OTUD7A: variants seen among roughly 807,000 people sequenced by gnomAD.
OTUD7A encodes OTU domain-containing protein 7A.
OTUD7A carries 12 observed loss-of-function variants against 65.7 expected under a neutral mutation model. The ratio of observed to expected loss-of-function variants is 0.18; its 90% CI spans 0.12 to 0.30. The LOEUF (loss-of-function observed/expected upper bound fraction) is 0.30. Among genes scored for constraint, OTUD7A ranks in the 10% least tolerant of loss-of-function variants. The pLI is 1.00. For missense variants in OTUD7A, 1,148 were observed against 1,304.8 expected (o/e 0.88, Z 1.85); for synonymous variants, 641 against 586.3 (o/e 1.09, Z -1.35).
intron 3 of OTUD7A, among the ~76,000 whole-genome samples, chr15:31,609,064 G>A (rs1387281148): frequency 6.6e-6 from 1 of 152,222 alleles, no homozygotes; most frequent in Non-Finnish European, 1.5e-5. Context: ...AAATACAGGG[G>A]TAGAGGAGGC....
intron 1 of OTUD7A, among the ~76,000 whole-genome samples, chr15:31,717,139 G>C (rs1893610326): frequency 6.6e-6 from 1 of 152,056 alleles, no homozygotes; most frequent in African/African-American, 2.4e-5. Flanking sequence ...GTAACAAAAT[G>C]GTTGTTTTCT....
intron 1 of OTUD7A, among the ~76,000 whole-genome samples, chr15:31,835,612 A>G (rs1436266496): frequency 6.6e-6 from 1 of 152,160 alleles, no homozygotes; most frequent in Non-Finnish European, 1.5e-5. Flanking sequence ...AAACTGCCCT[A>G]TTGTTTGGAC....
intron 1 of OTUD7A, among the ~76,000 whole-genome samples, chr15:31,792,086 C>A (rs1232368299): frequency 2.6e-5 from 4 of 152,166 alleles, no homozygotes; most frequent in Admixed American, 2.6e-4. Flanking sequence ...GTTTCTTAAG[C>A]CAAAAATCAA....
intron 1 of OTUD7A, among the ~76,000 whole-genome samples, chr15:31,798,668 A>G (rs1246837941): frequency 6.6e-6 from 1 of 152,178 alleles, no homozygotes; most frequent in Non-Finnish European, 1.5e-5. Flanking sequence ...TTAAGTGCCA[A>G]AAGTAAACAA....
chr15:31,804,471 C>G (rs890872297), intron 1 of OTUD7A, among the ~76,000 whole-genome samples: 7 of 152,208 alleles, frequency 4.6e-5, no homozygotes, highest in African/African-American at 1.4e-4. Flanking sequence ...TCCCGAGGGA[C>G]TAAGCCCCCT....
At chr15:31,619,485 A>C (rs1483484345) in intron 3 of OTUD7A, among the ~76,000 whole-genome samples, 3 of 152,108 alleles carry the variant, frequency 2.0e-5, no homozygotes, top group Non-Finnish European at 2.9e-5. Flanking sequence ...GAGGTCCTTC[A>C]CATCCCTTGT....
At chr15:31,782,502 C>T (rs1895566667) in intron 1 of OTUD7A, among the ~76,000 whole-genome samples, 1 of 152,122 alleles carries the variant, frequency 6.6e-6, no homozygotes, top group Non-Finnish European at 1.5e-5. Flanking sequence ...CTAGGATTCA[C>T]AGGAACCACA....
At chr15:31,794,698 T>A (rs1895906149) in intron 1 of OTUD7A, among the ~76,000 whole-genome samples, 1 of 151,448 alleles carries the variant, frequency 6.6e-6, no homozygotes, top group African/African-American at 2.4e-5. Context: ...GAGAATCGCT[T>A]CATCCACCTC....
chr15:31,815,580 T>C (rs1218741016), intron 1 of OTUD7A, among the ~76,000 whole-genome samples: 1 of 152,246 alleles, frequency 6.6e-6, no homozygotes, highest in Non-Finnish European at 1.5e-5. Context: ...CCAAAGCCCG[T>C]GAGGGGCTGG....
chr15:31,494,116 A>G (rs74010664), intron 10 of OTUD7A, among the ~76,000 whole-genome samples: 1 of 152,226 alleles, frequency 6.6e-6, no homozygotes, highest in African/African-American at 2.4e-5. Context: ...TGTAGATAAG[A>G]TATTTGGATT....
In OTUD7A at chr15:31,565,784, T is replaced by C. The variant is rs535366039; in HGVS notation, c.331+4234A>G. Among the ~76,000 whole-genome samples, 17 of 152,268 alleles carry C rather than the reference T, an allele frequency of 1.1e-4. No individual in the cohort carries two copies. The South Asian group carries it at 1.7e-3, about 15-fold the overall frequency. On this transcript the variant is annotated intron_variant, in intron 4 of 12. Transcript: ENST00000307050. Reference sequence around the variant, plus strand: ...GCTGGCATTTAGTTCAGTGGGAAAATGTACTTGAATAACTCTCTCTCAATC... The same window carrying C: ...GCTGGCATTTAGTTCAGTGGGAAAACGTACTTGAATAACTCTCTCTCAATC...
At chr15:31,753,316 C>A (rs1365619357) in intron 1 of OTUD7A, among the ~76,000 whole-genome samples, 1 of 151,932 alleles carries the variant, frequency 6.6e-6, no homozygotes, top group Non-Finnish European at 1.5e-5. Context: ...ATTTATATTT[C>A]CATAGGTTAT....
Position 31,518,906 on chromosome 15 carries a change from A to G in OTUD7A, c.893+7443T>C, listed in dbSNP as rs936751532. 3.3e-5 allele frequency among the ~76,000 whole-genome samples: 5 copies of G among 152,190 alleles called. No individual in the cohort carries two copies. In the East Asian group the frequency reaches 9.6e-4, roughly 29 times the overall value. Reference sequence around the variant, plus strand: ...AAAGGCACAGTACAGGCTAGCAGGGACTCTGCTAAGAGCTATGGCCTGGGA... The same window carrying G: ...AAAGGCACAGTACAGGCTAGCAGGGGCTCTGCTAAGAGCTATGGCCTGGGA... On this transcript the variant is annotated intron_variant, in intron 8 of 12. Coordinates refer to ENST00000307050, the MANE Select transcript of OTUD7A (RefSeq NM_001382637.1).
At chr15:31,709,112 G>A (rs536955596) in intron 1 of OTUD7A, among the ~76,000 whole-genome samples, 2 of 151,518 alleles carry the variant, frequency 1.3e-5, no homozygotes, top group Non-Finnish European at 2.9e-5. Context: ...CTCCCAGGTC[G>A]TGCCCAGGAA....
intron 3 of OTUD7A, among the ~76,000 whole-genome samples, chr15:31,651,572 AACACACACAC>A (rs60554390): frequency 0.015 from 2,162 of 140,814 alleles, 32 homozygotes; most frequent in African/African-American, 0.025. Context: ...AATCCCAAGG[AACACACACAC>A]ACACACACAC....
intron 5 of OTUD7A, among the ~76,000 whole-genome samples, chr15:31,548,068 CAT>C (rs1358136163): frequency 1.3e-4 from 10 of 74,566 alleles, no homozygotes; most frequent in Non-Finnish European, 3.4e-4. Flanking sequence ...CTGTACGTAC[CAT>C]ATACTCCTAA....
chr15:31,599,712 C>G (rs984223971), intron 3 of OTUD7A, among the ~76,000 whole-genome samples: 9 of 152,124 alleles, frequency 5.9e-5, no homozygotes, highest in Non-Finnish European at 1.3e-4. Flanking sequence ...GGAACATATT[C>G]TAACCCAATG....
intron 3 of OTUD7A, among the ~76,000 whole-genome samples, chr15:31,646,354 C>G (rs1891663500): frequency 6.6e-6 from 1 of 152,198 alleles, no homozygotes; most frequent in South Asian, 2.1e-4. Flanking sequence ...AAGAAAGACG[C>G]TGGGATGAAT....
chr15:31,823,605 C>A (rs929821170), intron 1 of OTUD7A, among the ~76,000 whole-genome samples: 1 of 152,202 alleles, frequency 6.6e-6, no homozygotes, highest in African/African-American at 2.4e-5. Context: ...TCAAAGGACA[C>A]GCCTCCTGAA....
Sources: allele counts gnomAD v4.1 joint callset (sites outside exome capture counted in the v4.1 genomes callset), GRCh38; gene constraint gnomAD v4.1.1; transcripts MANE v1.5; gene names NCBI Gene and HGNC (gene_info 2026-07-23, HGNC 2026-07-21).